The following SCARB1 variants were observed in gnomAD, a reference collection of about 807,000 sequenced individuals.
The protein encoded by SCARB1 is scavenger receptor class B member 1.
SCARB1 carries 30 observed loss-of-function variants against 57.2 expected under a neutral mutation model. The ratio of observed to expected loss-of-function variants is 0.52; its 90% CI spans 0.39 to 0.71. SCARB1 has a LOEUF of 0.71. Among genes scored for constraint, SCARB1 ranks in the 30% least tolerant of loss-of-function variants. The pLI, the probability that SCARB1 is intolerant of heterozygous loss-of-function variation, is 0.00. For missense variants in SCARB1, 543 were observed against 671.2 expected (o/e 0.81, Z 2.11); for synonymous variants, 249 against 268.3 (o/e 0.93, Z 0.70).
At chr12:124,779,629 T>C (rs1224262991) in intron 12 of SCARB1, among the ~76,000 whole-genome samples, 1 of 152,120 alleles carries the variant, frequency 6.6e-6, no homozygotes, top group Non-Finnish European at 1.5e-5. Context: ...TTGTAGAAAA[T>C]TTCTCAACTT....
intron 1 of SCARB1, among the ~76,000 whole-genome samples, chr12:124,836,138 G>A (rs1260285565): frequency 2.0e-5 from 3 of 152,196 alleles, no homozygotes; most frequent in Non-Finnish European, 4.4e-5. Context: ...TCCTGCCCTC[G>A]TGGACTGAGC....
At chr12:124,802,775 G>A (rs1950179402) in intron 7 of SCARB1, among the ~76,000 whole-genome samples, 1 of 152,344 alleles carries the variant, frequency 6.6e-6, no homozygotes, top group East Asian at 1.9e-4. Context: ...TTGGCTCTGT[G>A]AGGCAAGTCG....
chr12:124,831,529 C>T (rs961903986), intron 1 of SCARB1, among the ~76,000 whole-genome samples: 1 of 152,142 alleles, frequency 6.6e-6, no homozygotes, highest in Non-Finnish European at 1.5e-5. Flanking sequence ...AATCAGGGTC[C>T]CAGTGCCCCG....
At chr12:124,791,293 G>A (rs987111610) in intron 9 of SCARB1, among the ~76,000 whole-genome samples, 14 of 152,068 alleles carry the variant, frequency 9.2e-5, no homozygotes, top group African/African-American at 1.4e-4. Flanking sequence ...CATATGCTTC[G>A]TCCTGAGGCT....
In SCARB1 at chr12:124,817,837, G is replaced by GTGGT. The variant is rs1044128544; in HGVS notation, c.127-134_127-131dup. 9 of 975,846 alleles carry GTGGT rather than the reference G, an allele frequency of 9.2e-6. No homozygotes were observed. Among genetic ancestry groups the GTGGT allele is most frequent in the Non-Finnish European group, 1.5e-5 (9 of 605,122 alleles). The allele number at this position is 975,846 out of a possible 1,614,324, so 60.4% of individuals were successfully genotyped here. On this transcript the variant is annotated intron_variant, in intron 1 of 12. Coordinates refer to ENST00000261693, the MANE Select transcript of SCARB1 (RefSeq NM_005505.5). The surrounding 1 kb of genome is among the most constrained non-coding windows in gnomAD (Gnocchi z 4.8). Reference sequence around the variant, plus strand: ...CCTCGGCGGGAGCTTGGGATAGGAGGTGGTGGGAAAGCCCTTCGCACATGA... The same window carrying GTGGT: ...CCTCGGCGGGAGCTTGGGATAGGAGGTGGTTGGTGGGAAAGCCCTTCGCACATGA...
Position 124,856,197 on chromosome 12 carries a change from T to C in SCARB1, c.126+7398A>G, listed in dbSNP as rs147482069. The stretch of plus-strand genomic sequence containing the variant: ...GCAGACACATCAACACACAAGGACA[T>C]GCATAAACACGTGTGTTCATGTGTG... On this transcript the variant is annotated intron_variant, in intron 1 of 12. Coordinates refer to ENST00000261693, the MANE Select transcript of SCARB1 (RefSeq NM_005505.5). 4.6e-5 allele frequency among the ~76,000 whole-genome samples: 7 copies of C among 152,320 alleles called. No individual in the cohort carries two copies. The East Asian group carries it at 9.7e-4, about 21-fold the overall frequency.
At chr12:124,863,537 G>GC in intron 1 of SCARB1, 58 bp downstream of exon 1, 3 of 1,562,916 alleles carry the variant, frequency 1.9e-6, no homozygotes, top group Non-Finnish European at 2.6e-6. Context: ...TCCTCCCGGC[G>GC]CCCAGCGCCC....
Position 124,863,698 on chromosome 12 carries a change from C to A in SCARB1, c.23G>T (p.Arg8Leu). Reference sequence around the variant, plus strand: ...GACGCCCAGCGCCCCGGCAGCCCAGCGCGCTTTGGCGGAGCAGCCCATGTC... The same window carrying A: ...GACGCCCAGCGCCCCGGCAGCCCAGAGCGCTTTGGCGGAGCAGCCCATGTC... MGCSAKA[R>L]WAAGALGVAG... Residue 8 changes from arginine (R) to leucine (L), a missense_variant, in exon 1 of 13, where the codon CGC (arginine) becomes CTC (leucine). By Grantham distance (102) the Arg-to-Leu change is moderately radical (BLOSUM62 -2). Coordinates refer to ENST00000261693, the MANE Select transcript of SCARB1 (RefSeq NM_005505.5). The A allele has an allele frequency of 6.5e-7, 1 of 1,538,192 alleles. No individual in the cohort carries two copies. Among genetic ancestry groups the A allele is most frequent in the Non-Finnish European group, 8.8e-7 (1 of 1,142,298 alleles).
rs838866 is a variant in SCARB1, at chr12:124,789,208, A to G, written c.1203-1751T>C. On this transcript the variant is annotated intron_variant, in intron 9 of 12. Coordinates refer to ENST00000261693, the MANE Select transcript of SCARB1 (RefSeq NM_005505.5). The surrounding 1 kb of genome is among the most constrained non-coding windows in gnomAD (Gnocchi z 4.4). ...ACAGTATGTTGACGGAATGTACCCA[A>G]GATGCTCTGAAACTGGAACTTTCTC... 0.11 allele frequency among the ~76,000 whole-genome samples: 16,529 copies of G among 152,186 alleles called. 1,700 individuals carry two copies. The highest frequency in any genetic ancestry group is 0.39 in the East Asian group (2,006 of 5,182).
rs1474770505 is a variant in SCARB1 at position 124,822,017 on chromosome 12, C to T, written c.127-4310G>A. On this transcript the variant is annotated intron_variant, in intron 1 of 12. Coordinates refer to ENST00000261693, the MANE Select transcript of SCARB1 (RefSeq NM_005505.5). The surrounding 1 kb of genome is among the most constrained non-coding windows in gnomAD (Gnocchi z 5.0). Reference sequence around the variant, plus strand: ...TTGGGATAGAATGCCAAGGTGAGCCCTTGTTGGACGCCACTCCCTCCCATC... The same window carrying T: ...TTGGGATAGAATGCCAAGGTGAGCCTTTGTTGGACGCCACTCCCTCCCATC... Among the ~76,000 whole-genome samples the T allele has an allele frequency of 6.6e-6, 1 of 152,158 alleles. No homozygotes were observed. Among genetic ancestry groups the T allele is most frequent in the Non-Finnish European group, 1.5e-5 (1 of 68,022 alleles).
intron 1 of SCARB1, among the ~76,000 whole-genome samples, chr12:124,859,045 TTTG>T (rs1952770665): frequency 6.6e-6 from 1 of 151,824 alleles, no homozygotes; most frequent in South Asian, 2.1e-4. Context: ...CCAGCTTAGT[TTTG>T]TTGTTGTTTT....
At chr12:124,861,321 C>T (rs1952891291) in intron 1 of SCARB1, among the ~76,000 whole-genome samples, 2 of 152,092 alleles carry the variant, frequency 1.3e-5, no homozygotes, top group African/African-American at 2.4e-5. Context: ...AGTTGTTATA[C>T]AGTATTGTTT....
intron 1 of SCARB1, among the ~76,000 whole-genome samples, chr12:124,860,408 C>T (rs1047174421): frequency 6.6e-5 from 10 of 152,250 alleles, no homozygotes; most frequent in African/African-American, 2.4e-4. Flanking sequence ...ATGAGCATCC[C>T]TTTTTTGCAG....
chr12:124,853,324 A>G (rs943920491), intron 1 of SCARB1, among the ~76,000 whole-genome samples: 1 of 151,674 alleles, frequency 6.6e-6, no homozygotes, highest in Non-Finnish European at 1.5e-5. Context: ...TGAGGCTCAC[A>G]GCTTTGATAC....
At chr12:124,849,155 C>T (rs1209574364) in intron 1 of SCARB1, among the ~76,000 whole-genome samples, 1 of 152,236 alleles carries the variant, frequency 6.6e-6, no homozygotes, top group Non-Finnish European at 1.5e-5. Context: ...TGCCTGCCTT[C>T]AAAGTCCATA....
At position 124,786,489 on chromosome 12, in the gene SCARB1, C is replaced by A. The variant is rs1421390783; in HGVS notation, c.1269G>T (p.Glu423Asp). The change falls in exon 11 of 13, where the codon GAG becomes GAT. Residue 423 changes from glutamate to aspartate, a missense_variant. Transcript: ENST00000261693. ...TGTAGAATGTGTGAAGAGTCTCCCCCTCCATGGCCCCGCTCTGAGGAGACA... is the reference window on the plus strand; with the variant it reads ...TGTAGAATGTGTGAAGAGTCTCCCCATCCATGGCCCCGCTCTGAGGAGACA... ...LLWFAESGAM[E>D]GETLHTFYTQ... The A allele has an allele frequency of 1.2e-6, 2 of 1,614,126 alleles. No homozygotes were observed. Among genetic ancestry groups the A allele is most frequent in the Non-Finnish European group, 1.7e-6 (2 of 1,180,034 alleles).
chr12:124,849,300 T>C (rs79191353), intron 1 of SCARB1, among the ~76,000 whole-genome samples: 1,838 of 152,254 alleles, frequency 0.012, 35 homozygotes, highest in African/African-American at 0.041. Flanking sequence ...CGGGTGCATC[T>C]GGGCAGCTCA....
chr12:124,803,083 G>A (rs538489893), intron 7 of SCARB1, among the ~76,000 whole-genome samples: 2 of 152,188 alleles, frequency 1.3e-5, no homozygotes, highest in African/African-American at 2.4e-5. Flanking sequence ...ATTGCACCAG[G>A]GTGCTAAGGG....
chr12:124,802,675 T>C (rs1950176513), intron 7 of SCARB1, among the ~76,000 whole-genome samples: 1 of 152,214 alleles, frequency 6.6e-6, no homozygotes, highest in African/African-American at 2.4e-5. Flanking sequence ...CCGAGAGAGA[T>C]CTTCCCAGCT....
Sources: allele counts gnomAD v4.1 joint callset (sites outside exome capture counted in the v4.1 genomes callset), GRCh38; gene constraint gnomAD v4.1.1; non-coding constraint Gnocchi (gnomAD v3.1); transcripts MANE v1.5; gene names NCBI Gene and HGNC (gene_info 2026-07-23, HGNC 2026-07-21).